CSMD1: variants seen among roughly 807,000 people sequenced by gnomAD.
CSMD1 encodes the protein CUB and sushi domain-containing protein 1.
CSMD1 carries 213 observed loss-of-function variants against 417.5 expected under a neutral mutation model. That is an observed-to-expected ratio of 0.51 (90% CI 0.46 to 0.57). The LOEUF (loss-of-function observed/expected upper bound fraction) is 0.57. CSMD1 is among the 20% of genes least tolerant of loss of function. The pLI, the probability that CSMD1 is intolerant of heterozygous loss-of-function variation, is 0.00. For synonymous variants in CSMD1, 2,862 were observed against 1,736.8 expected (o/e 1.65, Z -16.11); for missense variants, 6,923 against 4,529.7 (o/e 1.53, Z -15.17).
At chr8:2,966,503 A>T in intron 58 of CSMD1, 67 bp downstream of exon 58, 17 of 1,454,700 alleles carry the variant, frequency 1.2e-5, no homozygotes, top group Non-Finnish European at 1.5e-5. Context: ...CCTTAAAGTC[A>T]TTTTTTTTCC....
At chr8:3,923,142 C>T (rs533570490) in intron 5 of CSMD1, among the ~76,000 whole-genome samples, 30 of 152,176 alleles carry the variant, frequency 2.0e-4, no homozygotes, top group Middle Eastern at 3.4e-3. Context: ...AGCTAGGGTC[C>T]CAGACCACGC....
chr8:4,963,331 C>G (rs777069941), intron 1 of CSMD1, among the ~76,000 whole-genome samples: 2 of 152,114 alleles, frequency 1.3e-5, no homozygotes, highest in Non-Finnish European at 2.9e-5. Context: ...TTCTGAGTAG[C>G]TGGGATTACA....
intron 5 of CSMD1, among the ~76,000 whole-genome samples, chr8:3,880,567 G>T (rs1212219272): frequency 2.0e-5 from 3 of 152,244 alleles, no homozygotes; most frequent in East Asian, 3.9e-4. Flanking sequence ...ATTGTGAATA[G>T]CCAGTTATCT....
Position 3,716,610 on chromosome 8 carries a change from C to A in CSMD1, c.932-8119G>T, listed in dbSNP as rs1312307218. On this transcript the variant is annotated intron_variant, in intron 6 of 69. Transcript: ENST00000635120. Reference sequence around the variant, plus strand: ...GCTTCTTTACTGCAACCTATTTCATCAGGAAGGACTTTATGGCCTGTGTCT... The same window carrying A: ...GCTTCTTTACTGCAACCTATTTCATAAGGAAGGACTTTATGGCCTGTGTCT... Among the ~76,000 whole-genome samples, 6 of 152,256 alleles carry A rather than the reference C, an allele frequency of 3.9e-5. No individual in the cohort carries two copies. In the East Asian group the frequency reaches 1.2e-3, roughly 29 times the overall value.
intron 2 of CSMD1, among the ~76,000 whole-genome samples, chr8:4,548,312 A>C (rs908579669): frequency 6.6e-6 from 1 of 152,160 alleles, no homozygotes; most frequent in South Asian, 2.1e-4. Flanking sequence ...TATAAGTCTC[A>C]TTTTTATTTT....
At chr8:4,147,969 A>T (rs1009820405) in intron 3 of CSMD1, among the ~76,000 whole-genome samples, 2 of 152,120 alleles carry the variant, frequency 1.3e-5, no homozygotes, top group Admixed American at 1.3e-4. Context: ...AAGATGCACC[A>T]AAGCCCTGAG....
At chr8:4,824,347 G>T (rs10156221) in intron 1 of CSMD1, among the ~76,000 whole-genome samples, 6,216 of 152,158 alleles carry the variant, frequency 0.041, 227 homozygotes, top group African/African-American at 0.093. Context: ...GATAGTGGAT[G>T]AAAGTCTGAA....
At chr8:4,034,495 C>A (rs2554566) in intron 3 of CSMD1, among the ~76,000 whole-genome samples, 88,344 of 151,976 alleles carry the variant, frequency 0.58, 26,021 homozygotes, top group East Asian at 0.79. Flanking sequence ...TTAAAGCAAA[C>A]ATGTGTGCTG....
chr8:3,388,702 T>C (rs987422550), intron 17 of CSMD1, among the ~76,000 whole-genome samples: 1 of 152,210 alleles, frequency 6.6e-6, no homozygotes, highest in African/African-American at 2.4e-5. Flanking sequence ...TTCTAAACAC[T>C]AACACATGTC....
At chr8:4,692,663 G>C (rs1191390346) in intron 1 of CSMD1, among the ~76,000 whole-genome samples, 1 of 152,170 alleles carries the variant, frequency 6.6e-6, no homozygotes, top group East Asian at 1.9e-4. Context: ...AACTGTCCTG[G>C]TTTGCCGATG....
At chr8:4,942,461 G>C (rs948165117) in intron 1 of CSMD1, among the ~76,000 whole-genome samples, 1 of 152,110 alleles carries the variant, frequency 6.6e-6, no homozygotes, top group East Asian at 1.9e-4. Context: ...GACAAAGACA[G>C]TTTTCACATT....
At chr8:3,572,494 C>G (rs1173399703) in intron 10 of CSMD1, among the ~76,000 whole-genome samples, 1 of 152,156 alleles carries the variant, frequency 6.6e-6, no homozygotes, top group African/African-American at 2.4e-5. Context: ...TCTCCACTTT[C>G]ACACACTTTT....
At chr8:3,642,318 T>G in intron 7 of CSMD1, among the ~76,000 whole-genome samples, 1 of 152,092 alleles carries the variant, frequency 6.6e-6, no homozygotes, top group Non-Finnish European at 1.5e-5. Context: ...TGAAAAGAAC[T>G]TGCTCTTTCC....
intron 10 of CSMD1, among the ~76,000 whole-genome samples, chr8:3,556,985 C>T (rs1281713930): frequency 2.6e-5 from 4 of 152,194 alleles, no homozygotes; most frequent in African/African-American, 4.8e-5. Flanking sequence ...ACCCAGCACC[C>T]AGTCCTTTGC....
At chr8:4,145,435 C>G (rs1804053276) in intron 3 of CSMD1, among the ~76,000 whole-genome samples, 1 of 151,152 alleles carries the variant, frequency 6.6e-6, no homozygotes, top group South Asian at 2.1e-4. Context: ...GTGACTTAAT[C>G]TACAGGTTAC....
At chr8:4,333,569 T>C (rs1172933892) in intron 3 of CSMD1, among the ~76,000 whole-genome samples, 2 of 152,182 alleles carry the variant, frequency 1.3e-5, no homozygotes, top group East Asian at 3.9e-4. Flanking sequence ...TGACATGCAA[T>C]ATGCGTTAGT....
At chr8:3,849,418 G>C (rs1276155309) in intron 5 of CSMD1, among the ~76,000 whole-genome samples, 2 of 152,128 alleles carry the variant, frequency 1.3e-5, no homozygotes, top group African/African-American at 2.4e-5. Flanking sequence ...GGGAGTCCTT[G>C]CTTAAATGTC....
intron 3 of CSMD1, among the ~76,000 whole-genome samples, chr8:4,225,393 G>C (rs1254163634): frequency 1.5e-4 from 23 of 151,548 alleles, no homozygotes; most frequent in African/African-American, 5.1e-4. Context: ...TGAATTTCTA[G>C]TTCGTAAGCC....
intron 7 of CSMD1, among the ~76,000 whole-genome samples, chr8:3,649,710 A>G (rs538248729): frequency 6.6e-6 from 1 of 152,322 alleles, no homozygotes; most frequent in Admixed American, 6.5e-5. Flanking sequence ...TATCGGGATT[A>G]TAATTCAAGA....
Sources: gnomAD v4.1 joint callset for allele counts (sites outside exome capture counted in the v4.1 genomes callset) on GRCh38, gnomAD v4.1.1 for gene constraint, MANE v1.5 for transcripts, NCBI Gene and HGNC (gene_info 2026-07-23, HGNC 2026-07-21) for gene names.